Variants in COL26A1 observed in about 807,000 individuals in gnomAD.
COL26A1 encodes the protein collagen type XXVI alpha 1 chain.
Under a neutral mutation model 59.3 loss-of-function variants are expected in COL26A1, and 41 were observed. That is an observed-to-expected ratio of 0.69 (90% CI 0.54 to 0.90). The LOEUF (loss-of-function observed/expected upper bound fraction) is 0.90. Ranked by LOEUF, COL26A1 falls within the 40% of genes least tolerant of loss-of-function variation. COL26A1 has a pLI of 0.00. For synonymous variants in COL26A1, 266 were observed against 256.0 expected, an observed-to-expected ratio of 1.04 and a Z score of -0.37; for missense variants, 612 against 602.3, an observed-to-expected ratio of 1.02 and a Z score of -0.17.
chr7:101,400,931 G>A (rs566736453), intron 1 of COL26A1, among the ~76,000 whole-genome samples: 5 of 152,272 alleles, frequency 3.3e-5, no homozygotes, highest in South Asian at 4.1e-4. Context: ...AAACCCGAAC[G>A]AGGGGTGGGG....
intron 1 of COL26A1, among the ~76,000 whole-genome samples, chr7:101,419,474 G>A (rs1431998311): frequency 2.6e-5 from 4 of 152,084 alleles, no homozygotes; most frequent in African/African-American, 9.7e-5. Context: ...CTCTGTGCCT[G>A]TTACACCGCT....
At chr7:101,432,006 T>C (rs7779918) in intron 2 of COL26A1, among the ~76,000 whole-genome samples, 107,851 of 148,498 alleles carry the variant, frequency 0.73, 40,171 homozygotes, top group African/African-American at 0.9. Flanking sequence ...TTGCTCTCGT[T>C]GCCCAGGCTG....
intron 1 of COL26A1, among the ~76,000 whole-genome samples, chr7:101,419,549 G>A (rs567260628): frequency 8.5e-5 from 13 of 152,202 alleles, no homozygotes; most frequent in South Asian, 2.1e-4. Context: ...TCGGTTGGTC[G>A]GTTGGCTAAC....
chr7:101,420,757 C>T (rs1182898109), intron 2 of COL26A1, among the ~76,000 whole-genome samples: 1 of 68,332 alleles, frequency 1.5e-5, no homozygotes, highest in Non-Finnish European at 3.5e-5. Context: ...CCTTCCCTCT[C>T]ACCAGCCCCT....
chr7:101,382,450 C>T (rs1329491544), intron 1 of COL26A1, among the ~76,000 whole-genome samples: 2 of 152,082 alleles, frequency 1.3e-5, no homozygotes, highest in Non-Finnish European at 2.9e-5. Flanking sequence ...ATTTGAAATG[C>T]CACTTTTATC....
intron 11 of COL26A1, among the ~76,000 whole-genome samples, chr7:101,554,190 G>A (rs1795919722): frequency 1.3e-5 from 2 of 152,070 alleles, no homozygotes; most frequent in African/African-American, 2.4e-5. Context: ...CCGGCAGGGG[G>A]GGCCTTGAAA....
rs1178821103 is a variant in COL26A1, at chr7:101,511,410, A to G, written c.386-21672A>G. 6.6e-5 allele frequency among the ~76,000 whole-genome samples: 10 copies of G among 152,360 alleles called. No individual in the cohort carries two copies. The East Asian group carries it at 1.2e-3, about 18-fold the overall frequency. On this transcript the variant is annotated intron_variant, in intron 3 of 12. Transcript: ENST00000313669. Reference sequence around the variant, plus strand: ...TGTGAATGCTACTAACTGAACTCCCAGAACAAATCCTGATTCTCAAGGGCA... The same window carrying G: ...TGTGAATGCTACTAACTGAACTCCCGGAACAAATCCTGATTCTCAAGGGCA...
At chr7:101,431,240 G>A (rs1351726776) in intron 2 of COL26A1, among the ~76,000 whole-genome samples, 2 of 152,020 alleles carry the variant, frequency 1.3e-5, no homozygotes, top group Admixed American at 1.3e-4. Context: ...TAAATGTAAG[G>A]TTTTCTTTTT....
chr7:101,550,943 C>G (rs1467641364), intron 9 of COL26A1, among the ~76,000 whole-genome samples, 165 bp from the exon 10 acceptor site: 2 of 152,212 alleles, frequency 1.3e-5, no homozygotes, highest in Non-Finnish European at 2.9e-5. Flanking sequence ...GGCTCCAGGA[C>G]TGGAGGCCTT....
intron 11 of COL26A1, among the ~76,000 whole-genome samples, chr7:101,555,085 C>A (rs1017923570): frequency 1.0e-4 from 15 of 143,168 alleles, no homozygotes; most frequent in African/African-American, 4.6e-4. Flanking sequence ...AGGATGGGGA[C>A]AGTGGCTTTG....
chr7:101,392,411 T>C (rs1584366894), intron 1 of COL26A1, among the ~76,000 whole-genome samples: 1 of 149,506 alleles, frequency 6.7e-6, no homozygotes, highest in South Asian at 2.1e-4. Flanking sequence ...TTTTTTTTTT[T>C]TTTTTTTTAA....
At chr7:101,524,140 G>T (rs1420441386) in intron 3 of COL26A1, among the ~76,000 whole-genome samples, 1 of 151,906 alleles carries the variant, frequency 6.6e-6, no homozygotes, top group Non-Finnish European at 1.5e-5. Flanking sequence ...GCATGGTGGT[G>T]GGTGGCTGTA....
At chr7:101,463,463 A>G (rs1248839754) in intron 3 of COL26A1, among the ~76,000 whole-genome samples, 3 of 151,922 alleles carry the variant, frequency 2.0e-5, no homozygotes, top group Admixed American at 1.3e-4. Context: ...ATGCTGCCAT[A>G]ACCATAGGTT....
At chr7:101,445,709 G>A (rs1793173341) in intron 2 of COL26A1, among the ~76,000 whole-genome samples, 1 of 126,000 alleles carries the variant, frequency 7.9e-6, no homozygotes, top group Non-Finnish European at 1.7e-5. Context: ...TCCAGCCTGG[G>A]CGACAGAGCG....
intron 3 of COL26A1, among the ~76,000 whole-genome samples, chr7:101,454,325 C>T (rs570794259): frequency 6.9e-6 from 1 of 144,970 alleles, no homozygotes; most frequent in African/African-American, 2.6e-5. Flanking sequence ...AGTGCAATGG[C>T]ATGATCTCGG....
At chr7:101,556,539 G>C (rs1397312662) in intron 12 of COL26A1, among the ~76,000 whole-genome samples, 1 of 152,120 alleles carries the variant, frequency 6.6e-6, no homozygotes, top group Non-Finnish European at 1.5e-5. Flanking sequence ...AGGTGGATGA[G>C]TGAGTGGATG....
At chr7:101,537,994 G>A (rs1795519047) in intron 4 of COL26A1, among the ~76,000 whole-genome samples, 1 of 151,940 alleles carries the variant, frequency 6.6e-6, no homozygotes, top group Non-Finnish European at 1.5e-5. Context: ...TCGACTGGGG[G>A]CATTTCTACT....
chr7:101,394,722 C>T (rs1791814175), intron 1 of COL26A1, among the ~76,000 whole-genome samples: 1 of 151,392 alleles, frequency 6.6e-6, no homozygotes, highest in South Asian at 2.1e-4. Context: ...TGCGCCCGGC[C>T]AACCACACTC....
intron 3 of COL26A1, among the ~76,000 whole-genome samples, chr7:101,492,422 C>T (rs147684296): frequency 0.071 from 10,760 of 151,810 alleles, 977 homozygotes; most frequent in African/African-American, 0.21. Flanking sequence ...GCAGGCCGGG[C>T]GCGGTGGCTC....
Sources: allele counts gnomAD v4.1 joint callset (sites outside exome capture counted in the v4.1 genomes callset), GRCh38; gene constraint gnomAD v4.1.1; transcripts MANE v1.5; gene names NCBI Gene and HGNC (gene_info 2026-07-23, HGNC 2026-07-21).